Variants in XRCC4 observed in about 807,000 individuals in gnomAD.
The protein encoded by XRCC4 is DNA repair protein XRCC4.
Under a neutral mutation model 39.1 loss-of-function variants are expected in XRCC4, and 28 were observed. That is an observed-to-expected ratio of 0.72 (90% CI 0.53 to 0.98). The LOEUF (loss-of-function observed/expected upper bound fraction) is 0.98, where lower values mean the gene tolerates loss of function less well. XRCC4 is among the 50% of genes least tolerant of loss of function. The pLI, the probability that XRCC4 is intolerant of heterozygous loss-of-function variation, is 0.00. For synonymous variants in XRCC4, 123 were observed against 126.4 expected (o/e 0.97, Z 0.18); for missense variants, 350 against 376.4 (o/e 0.93, Z 0.58).
chr5:83,188,610 G>A (rs1415279587), intron 3 of XRCC4, among the ~76,000 whole-genome samples: 3 of 152,086 alleles, frequency 2.0e-5, no homozygotes, highest in African/African-American at 7.2e-5. Flanking sequence ...GCCTCAGGAA[G>A]CTTCCAATCA....
intron 3 of XRCC4, among the ~76,000 whole-genome samples, chr5:83,138,055 A>T (rs188236578): frequency 6.6e-6 from 1 of 152,188 alleles, no homozygotes; most frequent in Non-Finnish European, 1.5e-5. Context: ...TTGAGTTCAG[A>T]TAGATTAATA....
intron 3 of XRCC4, among the ~76,000 whole-genome samples, chr5:83,173,586 G>T (rs1749825042): frequency 6.6e-6 from 1 of 152,134 alleles, no homozygotes; most frequent in Non-Finnish European, 1.5e-5. Context: ...GACCATTGAA[G>T]ATGGAAATGT....
chr5:83,163,245 C>A (rs1483796334), intron 3 of XRCC4, among the ~76,000 whole-genome samples: 1 of 152,070 alleles, frequency 6.6e-6, no homozygotes, highest in Non-Finnish European at 1.5e-5. Flanking sequence ...CTGCGCCTGG[C>A]CTGCATCAGC....
At chr5:83,206,290 G>A (rs1751419225) in intron 6 of XRCC4, among the ~76,000 whole-genome samples, 1 of 152,140 alleles carries the variant, frequency 6.6e-6, no homozygotes, top group South Asian at 2.1e-4. Flanking sequence ...GGCTGGCTTA[G>A]ACCAGAGTGA....
At chr5:83,370,224 A>G in the XRCC4 span, among the ~76,000 whole-genome samples, 2 of 152,158 alleles carry the variant, frequency 1.3e-5, no homozygotes, top group Non-Finnish European at 2.9e-5. Context: ...TAGACAATGT[A>G]GTCACAAGAC....
intron 7 of XRCC4, among the ~76,000 whole-genome samples, chr5:83,267,847 G>C (rs1362141106): frequency 6.6e-6 from 1 of 152,170 alleles, no homozygotes; most frequent in African/African-American, 2.4e-5. Context: ...CAAACGCATG[G>C]AGAAAGTCTG....
At chr5:83,304,112 A>C (rs53726) in intron 7 of XRCC4, among the ~76,000 whole-genome samples, 87,670 of 151,558 alleles carry the variant, frequency 0.58, 28,192 homozygotes, top group Non-Finnish European at 0.74. Flanking sequence ...TGTAAAAGTA[A>C]TACAAGTACT....
intron 7 of XRCC4, among the ~76,000 whole-genome samples, chr5:83,335,794 TTTATAGAA>T (rs1728840969): frequency 6.6e-6 from 1 of 152,072 alleles, no homozygotes; most frequent in Admixed American, 6.5e-5. Flanking sequence ...CTAAGTAGTC[TTTATAGAA>T]TGGTCTGAAA....
intron 6 of XRCC4, among the ~76,000 whole-genome samples, chr5:83,213,980 T>C (rs1029484671): frequency 2.6e-5 from 4 of 152,126 alleles, no homozygotes; most frequent in African/African-American, 9.7e-5. Context: ...CAATAGATGC[T>C]GAAAAGGTAC....
intron 7 of XRCC4, among the ~76,000 whole-genome samples, chr5:83,299,546 C>A (rs1390960750): frequency 6.6e-6 from 1 of 152,066 alleles, no homozygotes; most frequent in Non-Finnish European, 1.5e-5. Context: ...TATATCTTCT[C>A]ACTCTGTTTT....
At chr5:83,110,457 C>A (rs72767130) in intron 2 of XRCC4, among the ~76,000 whole-genome samples, 5,929 of 151,810 alleles carry the variant, frequency 0.039, 194 homozygotes, top group South Asian at 0.15. Context: ...GAATTGGAAG[C>A]GGTCTCTAGT....
At chr5:83,238,802 ATTGTCACCAAAAATAT>A (rs1376189337) in intron 6 of XRCC4, among the ~76,000 whole-genome samples, 1 of 152,178 alleles carries the variant, frequency 6.6e-6, no homozygotes, top group Non-Finnish European at 1.5e-5. Context: ...AAATTAAATA[ATTGTCACCAAAAATAT>A]AAAAGTTTTT....
intron 7 of XRCC4, among the ~76,000 whole-genome samples, chr5:83,307,208 A>T (rs1423556968): frequency 4.6e-5 from 7 of 152,240 alleles, no homozygotes; most frequent in African/African-American, 1.2e-4. Context: ...TTATTAATTC[A>T]AACTAGTAAT....
At chr5:83,297,619 T>C (rs1755140030) in intron 7 of XRCC4, among the ~76,000 whole-genome samples, 1 of 151,886 alleles carries the variant, frequency 6.6e-6, no homozygotes, top group African/African-American at 2.4e-5. Flanking sequence ...AATAGTGAAA[T>C]TTATTAAATT....
intron 3 of XRCC4, among the ~76,000 whole-genome samples, chr5:83,118,737 A>G (rs1477969932): frequency 6.6e-6 from 1 of 152,196 alleles, no homozygotes; most frequent in Non-Finnish European, 1.5e-5. Context: ...AGAAGTTTTC[A>G]TTACTGTGTA....
At chr5:83,247,322 C>T (rs191423043) in intron 6 of XRCC4, among the ~76,000 whole-genome samples, 11 of 152,230 alleles carry the variant, frequency 7.2e-5, no homozygotes, top group African/African-American at 2.2e-4. Context: ...AGTTCTGGTT[C>T]GTGGCCTGTT....
rs1441559846 is a variant in XRCC4, at chr5:83,352,983, T to G, written c.894-148T>G. 5 of 579,578 alleles carry G rather than the reference T, an allele frequency of 8.6e-6. No individual in the cohort carries two copies. In the African/African-American group the frequency reaches 9.7e-5, roughly 11 times the overall value. The allele number at this position is 579,578 out of a possible 1,614,324, so 35.9% of individuals were successfully genotyped here. On this transcript the variant is annotated intron_variant, in intron 7 of 7. Transcript: ENST00000396027. ...AAATTAGTCTCTTTATCTCTTTCCT[T>G]ATAGTTAATAGCATAGAGAAATAAA...
chr5:83,363,585 A>C, the XRCC4 span, among the ~76,000 whole-genome samples: 6 of 152,162 alleles, frequency 3.9e-5, no homozygotes, highest in Non-Finnish European at 5.9e-5. Context: ...CTTCATACAA[A>C]GGAGCATCCA....
At chr5:83,258,851 C>T (rs1753652568) in intron 7 of XRCC4, 174 bp downstream of exon 7, 2 of 854,604 alleles carry the variant, frequency 2.3e-6, no homozygotes, top group Non-Finnish European at 3.4e-6. Flanking sequence ...TGGTTAATTT[C>T]TATTAATATT....
Sources: allele counts gnomAD v4.1 joint callset (sites outside exome capture counted in the v4.1 genomes callset), GRCh38; gene constraint gnomAD v4.1.1; transcripts MANE v1.5; gene names NCBI Gene and HGNC (gene_info 2026-07-23, HGNC 2026-07-21).